The following ABHD12 variants were observed in gnomAD, a reference collection of about 807,000 sequenced individuals.
ABHD12 encodes abhydrolase domain containing 12, lysophospholipase, also known as lysophosphatidylserine lipase ABHD12.
In ABHD12, 43 loss-of-function variants were observed where a neutral mutation model predicts 58.3. That is an observed-to-expected ratio of 0.74 (90% CI 0.58 to 0.95). The LOEUF (loss-of-function observed/expected upper bound fraction) is 0.95, where lower values mean the gene tolerates loss of function less well. Ranked by LOEUF, ABHD12 falls within the 40% of genes least tolerant of loss-of-function variation. The pLI is 0.00. For missense variants in ABHD12, 539 were observed against 537.2 expected, an observed-to-expected ratio of 1.00 and a Z score of -0.03; for synonymous variants, 219 against 211.2, an observed-to-expected ratio of 1.04 and a Z score of -0.32.
chr20:25,334,484 C>T (rs2089329600), intron 2 of ABHD12, among the ~76,000 whole-genome samples: 1 of 152,136 alleles, frequency 6.6e-6, no homozygotes, highest in Admixed American at 6.5e-5. Context: ...CAAAAAAGAG[C>T]CTGCATCGCC....
At chr20:25,390,476 G>GCCCCCCCCCCC (rs773039836) in intron 1 of ABHD12, 37 bp downstream of exon 1, 60 of 1,034,836 alleles carry the variant, frequency 5.8e-5, no homozygotes, top group Middle Eastern at 3.3e-4. Flanking sequence ...GTGAGGGACC[G>GCCCCCCCCCCC]GCCCCCCCCC....
chr20:25,322,636 C>T (rs2089101002), intron 3 of ABHD12, among the ~76,000 whole-genome samples: 2 of 151,656 alleles, frequency 1.3e-5, no homozygotes, highest in Admixed American at 6.6e-5. Flanking sequence ...CCACCCGTCT[C>T]GGCCTCCCAA....
At chr20:25,380,289 T>G (rs996342120) in intron 1 of ABHD12, among the ~76,000 whole-genome samples, 4 of 152,212 alleles carry the variant, frequency 2.6e-5, no homozygotes, top group Admixed American at 2.6e-4. Context: ...GAGATGGAGT[T>G]TCGCTCTTGT....
intron 2 of ABHD12, among the ~76,000 whole-genome samples, chr20:25,336,823 G>A (rs1253444233): frequency 6.6e-6 from 1 of 152,178 alleles, no homozygotes; most frequent in Non-Finnish European, 1.5e-5. Context: ...GGAGATGAGG[G>A]TCGCTCATCA....
intron 1 of ABHD12, among the ~76,000 whole-genome samples, chr20:25,369,024 G>A (rs1354607360): frequency 6.6e-6 from 1 of 152,118 alleles, no homozygotes; most frequent in African/African-American, 2.4e-5. Context: ...TCGGGAGGCT[G>A]AAGTGGGAAG....
At chr20:25,320,062 A>G (rs1240356708) in intron 4 of ABHD12, 137 bp downstream of exon 4, 5 of 1,234,178 alleles carry the variant, frequency 4.1e-6, no homozygotes, top group African/African-American at 1.5e-5. Context: ...GCTCTCCCTC[A>G]TTGCAGTGGG....
chr20:25,359,355 C>T (rs1347306005), intron 1 of ABHD12, among the ~76,000 whole-genome samples: 4 of 136,014 alleles, frequency 2.9e-5, no homozygotes, highest in African/African-American at 8.3e-5. Flanking sequence ...ACCCGGGAGG[C>T]GGAGCTTGCA....
At chr20:25,309,045 C>T (rs946026762) in intron 7 of ABHD12, among the ~76,000 whole-genome samples, 4 of 152,286 alleles carry the variant, frequency 2.6e-5, no homozygotes, top group Non-Finnish European at 4.4e-5. Flanking sequence ...CAGAGGTTCC[C>T]GCAGAGACGT....
chr20:25,363,163 C>G (rs2089775416), intron 1 of ABHD12, among the ~76,000 whole-genome samples: 1 of 150,998 alleles, frequency 6.6e-6, no homozygotes, highest in Admixed American at 6.6e-5. Flanking sequence ...ATTCATTTAA[C>G]AAATATTTAT....
rs559431619 is a variant in ABHD12, at chr20:25,387,666, G to A, written c.191+2847C>T. Among the ~76,000 whole-genome samples, 6 of 151,262 alleles carry A rather than the reference G, an allele frequency of 4.0e-5. 1 individual carries two copies. The highest frequency in any genetic ancestry group is 1.2e-4 in the African/African-American group (5 of 41,168). On this transcript the variant is annotated intron_variant, in intron 1 of 12. Transcript: ENST00000339157. Reference sequence around the variant, plus strand: ...GATATGGGAGGATCGCCTGAGCCCAGGAGGTCTGGGCTGCAGTGGGCCATG... The same window carrying A: ...GATATGGGAGGATCGCCTGAGCCCAAGAGGTCTGGGCTGCAGTGGGCCATG...
At chr20:25,332,459 A>ATGGACATC (rs2089293852) in intron 2 of ABHD12, among the ~76,000 whole-genome samples, 1 of 107,634 alleles carries the variant, frequency 9.3e-6, no homozygotes, top group South Asian at 3.3e-4. Flanking sequence ...AGAAGACCTA[A>ATGGACATC]TAGACATCTA....
At chr20:25,342,256 A>G (rs1482039038) in intron 1 of ABHD12, among the ~76,000 whole-genome samples, 1 of 152,228 alleles carries the variant, frequency 6.6e-6, no homozygotes. Context: ...GGAATAAACT[A>G]TTGATACATG....
intron 1 of ABHD12, among the ~76,000 whole-genome samples, chr20:25,349,083 C>CAAAAAAAA (rs61219186): frequency 6.5e-5 from 4 of 61,660 alleles, no homozygotes; most frequent in Non-Finnish European, 7.2e-5. Flanking sequence ...GACTCCGTCT[C>CAAAAAAAA]AAAAAAAAAA....
intron 1 of ABHD12, among the ~76,000 whole-genome samples, chr20:25,386,927 CAATAA>C (rs1184367797): frequency 6.6e-6 from 1 of 152,016 alleles, no homozygotes; most frequent in Non-Finnish European, 1.5e-5. Context: ...TCTGGCTATA[CAATAA>C]GAGAGTTTAT....
chr20:25,374,288 G>C (rs2089935421), intron 1 of ABHD12, among the ~76,000 whole-genome samples: 1 of 151,558 alleles, frequency 6.6e-6, no homozygotes. Flanking sequence ...AAATCTGTTT[G>C]GTTCTCTTTT....
chr20:25,360,327 G>A (rs747907548), intron 1 of ABHD12, among the ~76,000 whole-genome samples: 8 of 124,648 alleles, frequency 6.4e-5, no homozygotes, highest in East Asian at 2.8e-4. Context: ...TGCAACTTCC[G>A]CCTCCCAGGT....
In ABHD12 at chr20:25,390,419, A is replaced by G. The variant is rs1310313911; in HGVS notation, c.191+94T>C. 9 of 1,160,042 alleles carry G rather than the reference A, an allele frequency of 7.8e-6. No individual in the cohort carries two copies. In the African/African-American group the frequency reaches 1.6e-4, roughly 21 times the overall value. The allele number at this position is 1,160,042 out of a possible 1,614,324, so 71.9% of individuals were successfully genotyped here. A position where few individuals can be genotyped will look rare whatever the true frequency, so the allele number is the denominator to read the frequency against. ...GGATCGGGCGGACGGCCACTCTGGG[A>G]GGGGCTGGGAGGTACCGCGGCCCCC... On this transcript the variant is annotated intron_variant, in intron 1 of 12. Coordinates refer to ENST00000339157, the MANE Select transcript of ABHD12 (RefSeq NM_001042472.3).
At chr20:25,352,831 G>A (rs2089619118) in intron 1 of ABHD12, among the ~76,000 whole-genome samples, 1 of 152,084 alleles carries the variant, frequency 6.6e-6, no homozygotes, top group Non-Finnish European at 1.5e-5. Context: ...ATAGCTTGAG[G>A]ACAGGAGTTC....
chr20:25,317,841 G>A (rs2088990814), intron 4 of ABHD12, among the ~76,000 whole-genome samples: 1 of 152,150 alleles, frequency 6.6e-6, no homozygotes, highest in African/African-American at 2.4e-5. Context: ...CTGTTAACCT[G>A]GACCGACCCC....
Sources: allele counts gnomAD v4.1 joint callset (sites outside exome capture counted in the v4.1 genomes callset), GRCh38; gene constraint gnomAD v4.1.1; transcripts MANE v1.5; gene names NCBI Gene and HGNC (gene_info 2026-07-23, HGNC 2026-07-21).